Variants in PEMT observed in about 807,000 individuals in gnomAD.
The protein encoded by PEMT is phospholipid methyltransferase.
PEMT carries 23 observed loss-of-function variants against 27.4 expected under a neutral mutation model. The ratio of observed to expected loss-of-function variants is 0.84; its 90% confidence interval spans 0.60 to 1.19. The LOEUF is 1.19. Among genes scored for constraint, PEMT ranks in the 50% most tolerant of loss-of-function variants. The pLI, the probability that PEMT is intolerant of heterozygous loss-of-function variation, is 0.00. For synonymous variants in PEMT, 137 were observed against 139.1 expected, an observed-to-expected ratio of 0.98 and a Z score of 0.11; for missense variants, 307 against 310.1, an observed-to-expected ratio of 0.99 and a Z score of 0.07.
rs1298686483 is a variant in PEMT, at chr17:17,569,754, TA to T, written c.204+7165del. On this transcript the variant is annotated intron_variant, in intron 2 of 6. Coordinates refer to ENST00000255389, the MANE Select transcript of PEMT (RefSeq NM_148172.3). ...ACATGCAACTGGTCTTCAATAAAGT[TA>T]AAATACCAAAGCATGTGCACACTTT... 5.9e-5 allele frequency among the ~76,000 whole-genome samples: 9 copies of T among 152,328 alleles called. No individual in the cohort carries two copies. In the South Asian group the frequency reaches 8.3e-4, roughly 14 times the overall value.
intron 1 of PEMT, among the ~76,000 whole-genome samples, chr17:17,590,726 G>C (rs2142771757): frequency 6.6e-6 from 1 of 152,382 alleles, no homozygotes; most frequent in Admixed American, 6.5e-5. Flanking sequence ...TGCCTTACAG[G>C]CTTCATGAAG....
chr17:17,577,006 G>A lies in PEMT; in HGVS notation c.118C>T (p.Arg40Trp), dbSNP rs70959686. The change falls in exon 2 of 7, where the codon CGG (arginine) becomes TGG (tryptophan). Residue 40 changes from arginine (R) to tryptophan (W), a missense_variant. Coordinates refer to ENST00000255389, the MANE Select transcript of PEMT (RefSeq NM_148172.3). The stretch of plus-strand genomic sequence containing the variant: ...AGGGGGTCCACGTAGCCCAGCAGCC[G>A]GGTCATAACGCAGAAGTCTGCCTGC... ...FRQADFCVMT[R>W]LLGYVDPLDP... 4.2e-4 allele frequency: 680 copies of A among 1,613,814 alleles called. No homozygotes were observed. The African/African-American group carries it at 4.9e-3, about 12-fold the overall frequency.
chr17:17,584,723 A>G (rs1180126805), intron 1 of PEMT, among the ~76,000 whole-genome samples: 2 of 152,254 alleles, frequency 1.3e-5, no homozygotes, highest in African/African-American at 4.8e-5. Context: ...ACAATAAGCC[A>G]GCCAACCTTC....
intron 2 of PEMT, among the ~76,000 whole-genome samples, chr17:17,554,986 C>A (rs1245810808): frequency 6.6e-6 from 1 of 152,130 alleles, no homozygotes; most frequent in Non-Finnish European, 1.5e-5. Context: ...CAAGGCCATG[C>A]ACGGCCTCCA....
intron 2 of PEMT, among the ~76,000 whole-genome samples, chr17:17,537,739 C>T (rs1028552341): frequency 6.6e-6 from 1 of 152,242 alleles, no homozygotes; most frequent in African/African-American, 2.4e-5. Flanking sequence ...GAGAGACAGA[C>T]AAGCCTTCCA....
intron 2 of PEMT, among the ~76,000 whole-genome samples, chr17:17,546,195 T>A (rs1295148145): frequency 3.3e-5 from 5 of 152,186 alleles, no homozygotes; most frequent in Non-Finnish European, 7.3e-5. Context: ...CGGTGTCACC[T>A]GAGGCCAATG....
intron 2 of PEMT, among the ~76,000 whole-genome samples, chr17:17,560,278 C>T (rs900355636): frequency 8.5e-5 from 13 of 152,208 alleles, no homozygotes; most frequent in Non-Finnish European, 2.9e-5. Context: ...GAGAAATGTG[C>T]CCTGGGCCAG....
intron 3 of PEMT, among the ~76,000 whole-genome samples, chr17:17,520,181 G>T (rs1337056576): frequency 6.6e-6 from 1 of 152,162 alleles, no homozygotes; most frequent in Non-Finnish European, 1.5e-5. Flanking sequence ...TGGATGCCTG[G>T]GGGCTGGAGG....
chr17:17,585,714 T>C (rs1204408906), intron 1 of PEMT, among the ~76,000 whole-genome samples: 2 of 152,124 alleles, frequency 1.3e-5, no homozygotes, highest in Non-Finnish European at 2.9e-5. Context: ...ACCACTTTGG[T>C]TTTCTTTTTT....
chr17:17,545,073 C>G (rs1347642155), intron 2 of PEMT, among the ~76,000 whole-genome samples: 3 of 152,220 alleles, frequency 2.0e-5, no homozygotes, highest in African/African-American at 7.2e-5. Context: ...CACCAAGGAG[C>G]TGTCTGGCCT....
chr17:17,574,303 A>G (rs896360764), intron 2 of PEMT, among the ~76,000 whole-genome samples: 1 of 148,148 alleles, frequency 6.8e-6, no homozygotes, highest in African/African-American at 2.5e-5. Context: ...TGTCTTCCAA[A>G]TCTTACTGCA....
intron 1 of PEMT, among the ~76,000 whole-genome samples, chr17:17,584,911 A>G (rs1912163063): frequency 6.6e-6 from 1 of 152,238 alleles, no homozygotes; most frequent in Admixed American, 6.5e-5. Flanking sequence ...GGAGGATTAA[A>G]TGAGAAAGTG....
chr17:17,505,892 GT>G, intron 6 of PEMT, 44 bp from the exon 7 acceptor site: 1 of 1,579,206 alleles, frequency 6.3e-7, no homozygotes, highest in Non-Finnish European at 8.6e-7. Context: ...GGTCCTGGGG[GT>G]GACCCACTGC....
At chr17:17,583,341 A>G (rs1197500632) in intron 1 of PEMT, among the ~76,000 whole-genome samples, 3 of 152,234 alleles carry the variant, frequency 2.0e-5, no homozygotes, top group African/African-American at 7.2e-5. Flanking sequence ...ACGCCACTGC[A>G]CTCCAGCCTG....
chr17:17,540,092 C>T (rs1205030963), intron 2 of PEMT, among the ~76,000 whole-genome samples: 1 of 152,204 alleles, frequency 6.6e-6, no homozygotes, highest in Non-Finnish European at 1.5e-5. Context: ...GGAAGCAACG[C>T]CCCAAGGGAA....
chr17:17,507,503 G>A, intron 5 of PEMT: 1 of 426,988 alleles, frequency 2.3e-6, no homozygotes, highest in Non-Finnish European at 4.3e-6. Context: ...AGGCAGGGCA[G>A]ACGTAAGCAA....
At chr17:17,527,198 C>T (rs1017963807) in intron 2 of PEMT, among the ~76,000 whole-genome samples, 2 of 152,114 alleles carry the variant, frequency 1.3e-5, no homozygotes, top group South Asian at 2.1e-4. Context: ...CCACCATGCC[C>T]GGCTAATTTT....
chr17:17,525,796 C>G lies in PEMT; in HGVS notation c.205-3401G>C, dbSNP rs542182435. On this transcript the variant is annotated intron_variant, in intron 2 of 6. Coordinates refer to ENST00000255389, the MANE Select transcript of PEMT (RefSeq NM_148172.3). Reference sequence around the variant, plus strand: ...GATCATGAGGTCAGGAGTTCGAGACCAGCCAGGCCAACATGGTGAAACCTC... The same window carrying G: ...GATCATGAGGTCAGGAGTTCGAGACGAGCCAGGCCAACATGGTGAAACCTC... 7.9e-5 allele frequency among the ~76,000 whole-genome samples: 12 copies of G among 152,284 alleles called. 1 individual carries two copies. The South Asian group carries it at 2.3e-3, about 29-fold the overall frequency.
intron 2 of PEMT, among the ~76,000 whole-genome samples, chr17:17,542,699 C>A (rs758480806): frequency 2.0e-4 from 31 of 152,238 alleles, no homozygotes; most frequent in South Asian, 4.1e-4. Context: ...GGCTTTTCCA[C>A]ATGCACAAGT....
Sources: allele counts gnomAD v4.1 joint callset (sites outside exome capture counted in the v4.1 genomes callset), GRCh38; gene constraint gnomAD v4.1.1; transcripts MANE v1.5; gene names NCBI Gene and HGNC (gene_info 2026-07-23, HGNC 2026-07-21).